Variants in DAB2IP observed in about 807,000 individuals in gnomAD.
The protein encoded by DAB2IP is DAB2 interacting protein.
A neutral mutation model predicts 107.2 loss-of-function variants in DAB2IP; 28 were observed. That is an observed-to-expected ratio of 0.26 (90% CI 0.19 to 0.36). The LOEUF is 0.36. DAB2IP is among the 10% of genes least tolerant of loss of function. DAB2IP has a pLI of 1.00. For synonymous variants in DAB2IP, 755 were observed against 706.4 expected (o/e 1.07, Z -1.09); for missense variants, 1,400 against 1,644.7 (o/e 0.85, Z 2.57).
upstream of DAB2IP, among the ~76,000 whole-genome samples, chr9:121,648,913 A>C (rs1040325715): frequency 1.7e-4 from 26 of 152,060 alleles, no homozygotes; most frequent in Non-Finnish European, 3.4e-4. Flanking sequence ...TCTCCTGTTC[A>C]GAGAGAGAAA....
upstream of DAB2IP, among the ~76,000 whole-genome samples, chr9:121,650,379 AG>A (rs933344608): frequency 1.7e-4 from 26 of 152,080 alleles, no homozygotes; most frequent in Admixed American, 1.5e-3. Flanking sequence ...AGCGCTAGGG[AG>A]GGGGCTTCCC....
intron 3 of DAB2IP, among the ~76,000 whole-genome samples, chr9:121,700,356 C>T (rs1829706205): frequency 6.6e-6 from 1 of 152,198 alleles, no homozygotes; most frequent in African/African-American, 2.4e-5. Flanking sequence ...GGGCCCAGGT[C>T]CTCCTCGAGT....
At chr9:121,738,311 G>C (rs988648551) in intron 3 of DAB2IP, among the ~76,000 whole-genome samples, 13 of 152,202 alleles carry the variant, frequency 8.5e-5, no homozygotes, top group South Asian at 6.2e-4. Flanking sequence ...CTGCCTCTCT[G>C]AGACAGATTT....
intron 3 of DAB2IP, among the ~76,000 whole-genome samples, chr9:121,735,864 A>G (rs1174225923): frequency 6.6e-6 from 1 of 152,118 alleles, no homozygotes; most frequent in Non-Finnish European, 1.5e-5. Flanking sequence ...TGACCCAAGG[A>G]TGAATCTCCA....
At chr9:121,778,661 C>A (rs888741514) in intron 14 of DAB2IP, among the ~76,000 whole-genome samples, 1 of 152,286 alleles carries the variant, frequency 6.6e-6, no homozygotes, top group South Asian at 2.1e-4. Context: ...AGGAGCAGAT[C>A]AAAAGTATTT....
In DAB2IP at chr9:121,699,476, G is replaced by T; in HGVS notation, c.362+18G>T. 1 of 1,300,500 alleles carries T rather than the reference G, an allele frequency of 7.7e-7. No homozygotes were observed. The allele number at this position is 1,300,500 out of a possible 1,614,324, so 80.6% of individuals were successfully genotyped here. A position where few individuals can be genotyped will look rare whatever the true frequency, so the allele number is the denominator to read the frequency against. ...AATGAGAGGTGAGCCCGCCGCCGCC[G>T]CCCGGTCCCCCGCGCCGCCGCCCCG... On this transcript the variant is annotated intron_variant, in intron 3 of 15. Coordinates refer to ENST00000408936, the Ensembl canonical transcript of DAB2IP. This position sits in a 1 kb window ranked among gnomAD's most constrained non-coding sequence, Gnocchi z 6.2.
chr9:121,766,430 C>T (rs1006429344), intron 8 of DAB2IP, 64 bp from the exon 9 acceptor site: 2 of 1,474,002 alleles, frequency 1.4e-6, no homozygotes, highest in Non-Finnish European at 1.9e-6. Flanking sequence ...GGTTCCTGCT[C>T]TGTGCACTCC....
intron 1 of DAB2IP, among the ~76,000 whole-genome samples, chr9:121,672,274 C>A (rs1220542605): frequency 6.6e-6 from 1 of 152,206 alleles, no homozygotes; most frequent in Non-Finnish European, 1.5e-5. Context: ...CTCTTGCTGA[C>A]TTCTTTTCTC....
chr9:121,585,466 A>T (rs201915124), intron 1 of DAB2IP, among the ~76,000 whole-genome samples: 1 of 152,218 alleles, frequency 6.6e-6, no homozygotes, highest in African/African-American at 2.4e-5. Context: ...CACTTAGAAC[A>T]GGGCTGCACG....
At chr9:121,758,562 G>A (rs1001962790) in intron 4 of DAB2IP, among the ~76,000 whole-genome samples, 3 of 152,096 alleles carry the variant, frequency 2.0e-5, no homozygotes, top group Admixed American at 6.5e-5. Flanking sequence ...CAAGGTCTTC[G>A]TTCATTCCCT....
intron 1 of DAB2IP, among the ~76,000 whole-genome samples, chr9:121,644,626 GAGAA>G (rs1349590307): frequency 6.6e-6 from 1 of 152,060 alleles, no homozygotes; most frequent in African/African-American, 2.4e-5. Context: ...AAGAGAGAGA[GAGAA>G]AGAGAGAAAA....
At chr9:121,630,113 T>A (rs1276079415) in intron 1 of DAB2IP, among the ~76,000 whole-genome samples, 1 of 152,236 alleles carries the variant, frequency 6.6e-6, no homozygotes, top group Non-Finnish European at 1.5e-5. Flanking sequence ...TCTCATGTCC[T>A]ATTATTGTGG....
In DAB2IP at chr9:121,583,609, C is replaced by T. The variant is rs940525373; in HGVS notation, c.40+16381C>T. ...GGCACAGGCTGGCTTTGCTGGCAGG[C>T]CCCTCTACAGTTTAGCCAACAAGGC... On this transcript the variant is annotated intron_variant, in intron 1 of 16. Transcript: ENST00000259371. Among the ~76,000 whole-genome samples, 3 of 151,906 alleles carry T rather than the reference C, an allele frequency of 2.0e-5. No individual in the cohort carries two copies. The South Asian group carries it at 6.3e-4, about 32-fold the overall frequency.
intron 1 of DAB2IP, among the ~76,000 whole-genome samples, chr9:121,584,779 G>T (rs536887105): frequency 3.9e-5 from 6 of 152,278 alleles, no homozygotes; most frequent in Admixed American, 2.6e-4. Context: ...TTTGTGGGAG[G>T]ACAATCACCG....
At chr9:121,739,551 G>A (rs1307917662) in intron 3 of DAB2IP, among the ~76,000 whole-genome samples, 1 of 152,192 alleles carries the variant, frequency 6.6e-6, no homozygotes, top group Non-Finnish European at 1.5e-5. Context: ...TGGGGAAGAT[G>A]GAGAGGAGTA....
At chr9:121,717,821 G>A (rs1390270827) in intron 3 of DAB2IP, among the ~76,000 whole-genome samples, 1 of 152,154 alleles carries the variant, frequency 6.6e-6, no homozygotes, top group Non-Finnish European at 1.5e-5. Context: ...CCTGGTCCAG[G>A]GGGAGGGCAG....
chr9:121,714,124 T>C (rs1441758898), intron 3 of DAB2IP, among the ~76,000 whole-genome samples: 1 of 152,172 alleles, frequency 6.6e-6, no homozygotes, highest in Non-Finnish European at 1.5e-5. Context: ...GCTTTTGCTT[T>C]TTTGTTTGAG....
intron 3 of DAB2IP, among the ~76,000 whole-genome samples, chr9:121,740,720 TG>T (rs1298430770): frequency 6.6e-6 from 1 of 152,126 alleles, no homozygotes; most frequent in Non-Finnish European, 1.5e-5. Flanking sequence ...AGACGCCTGG[TG>T]GGTTTCAGTG....
chr9:121,641,891 C>CT (rs1832303271), intron 1 of DAB2IP, among the ~76,000 whole-genome samples: 2 of 65,004 alleles, frequency 3.1e-5, no homozygotes, highest in East Asian at 1.4e-3. Flanking sequence ...CCATTTCTTT[C>CT]CCTTTCTTTC....
Sources: gnomAD v4.1 joint callset for allele counts (sites outside exome capture counted in the v4.1 genomes callset) on GRCh38, gnomAD v4.1.1 for gene constraint, Gnocchi (gnomAD v3.1) non-coding constraint, MANE v1.5 for transcripts, NCBI Gene and HGNC (gene_info 2026-07-23, HGNC 2026-07-21) for gene names.